The following UBAC2 variants were observed in gnomAD, a reference collection of about 807,000 sequenced individuals.
The protein encoded by UBAC2 is UBA domain containing 2, also known as ubiquitin-associated domain-containing protein 2.
UBAC2 carries 26 observed loss-of-function variants against 44.0 expected under a neutral mutation model. That is an observed-to-expected ratio of 0.59 (90% CI 0.43 to 0.82). UBAC2 has a LOEUF of 0.82. UBAC2 is among the 40% of genes least tolerant of loss of function. The pLI, the probability that UBAC2 is intolerant of heterozygous loss-of-function variation, is 0.00. For missense variants in UBAC2, 329 were observed against 419.4 expected (o/e 0.78, Z 1.88); for synonymous variants, 155 against 154.3 (o/e 1.00, Z -0.04).
chr13:99,376,782 G>C (rs910714382), intron 8 of UBAC2: 1 of 152,222 alleles, frequency 6.6e-6, no homozygotes, highest in Non-Finnish European at 1.5e-5. Flanking sequence ...ATATTTTGTG[G>C]TGAGGATTTT....
At chr13:99,219,281 C>T (rs2043029500) in intron 1 of UBAC2, among the ~76,000 whole-genome samples, 1 of 152,178 alleles carries the variant, frequency 6.6e-6, no homozygotes, top group African/African-American at 2.4e-5. Context: ...CAGGACTAAG[C>T]TTTGCAAGGC....
chr13:99,231,825 ACTGT>A (rs903797674), intron 1 of UBAC2, among the ~76,000 whole-genome samples: 1 of 152,200 alleles, frequency 6.6e-6, no homozygotes, highest in African/African-American at 2.4e-5. Flanking sequence ...TACATACTTT[ACTGT>A]CTGTGCATGA....
rs144952827 is a variant in UBAC2 at position 99,265,643 on chromosome 13, G to A, written c.389+21019G>A. Among the ~76,000 whole-genome samples the A allele has an allele frequency of 2.9e-3, 449 of 152,234 alleles. 3 individuals carry two copies. Among genetic ancestry groups the A allele is most frequent in the African/African-American group, 0.01 (419 of 41,536 alleles). On this transcript the variant is annotated intron_variant, in intron 4 of 8. Transcript: ENST00000403766. ...TTGTGAACAAGGACCTGGCACGTGCGTCTTCAAACGTTTCAGCGCATCTAG... is the reference window on the plus strand; with the variant it reads ...TTGTGAACAAGGACCTGGCACGTGCATCTTCAAACGTTTCAGCGCATCTAG...
intron 6 of UBAC2, among the ~76,000 whole-genome samples, chr13:99,321,268 C>G (rs1467315705): frequency 6.6e-6 from 1 of 152,158 alleles, no homozygotes; most frequent in African/African-American, 2.4e-5. Flanking sequence ...TTGGATTGAG[C>G]TTATTTTATT....
intron 2 of UBAC2, among the ~76,000 whole-genome samples, chr13:99,241,357 A>G (rs909335943): frequency 6.6e-6 from 1 of 152,200 alleles, no homozygotes; most frequent in Non-Finnish European, 1.5e-5. Context: ...CCAAATGTCT[A>G]TTAACAGATA....
chr13:99,317,922 A>G, intron 5 of UBAC2, 100 bp from the exon 6 acceptor site: 5 of 900,254 alleles, frequency 5.6e-6, no homozygotes, highest in Middle Eastern at 2.3e-4. Context: ...TATAATTAAT[A>G]CTTTATATAA....
At chr13:99,345,864 T>A (rs2138843416) in intron 7 of UBAC2, among the ~76,000 whole-genome samples, 1 of 149,464 alleles carries the variant, frequency 6.7e-6, no homozygotes, top group East Asian at 2.1e-4. Flanking sequence ...TGCCTCAGCC[T>A]CCCGAGTAGC....
chr13:99,261,509 TGTTTG>T (rs2043661523), intron 4 of UBAC2: 1 of 152,264 alleles, frequency 6.6e-6, no homozygotes, highest in Non-Finnish European at 1.5e-5. Context: ...ACCTCCTTTC[TGTTTG>T]GTTTCCTAAA....
chr13:99,364,121 T>G (rs892315244), intron 7 of UBAC2, among the ~76,000 whole-genome samples: 1 of 151,518 alleles, frequency 6.6e-6, no homozygotes, highest in African/African-American at 2.4e-5. Flanking sequence ...TCTTTTTCTA[T>G]CTTTATGTGA....
intron 7 of UBAC2, among the ~76,000 whole-genome samples, chr13:99,342,733 A>T (rs998021234): frequency 6.6e-6 from 1 of 151,934 alleles, no homozygotes; most frequent in East Asian, 1.9e-4. Context: ...CTTTAGCTGG[A>T]TCCTCCTTGT....
chr13:99,281,759 T>A (rs574378398), intron 4 of UBAC2, among the ~76,000 whole-genome samples: 1 of 152,324 alleles, frequency 6.6e-6, no homozygotes, highest in Admixed American at 6.5e-5. Context: ...ATTTTAGTAA[T>A]GTTTGAAGAT....
In UBAC2 at chr13:99,295,653, G is replaced by A; in HGVS notation, c.390-18444G>A. On this transcript the variant is annotated intron_variant, in intron 4 of 8. Transcript: ENST00000403766. This position sits in a 1 kb window ranked among gnomAD's most constrained non-coding sequence, Gnocchi z 4.1. ...TTTGACATAGGGTTGATGAGGAGTGGGAGTGTCTGAGCAAATACTAGAATC... is the reference window on the plus strand; with the variant it reads ...TTTGACATAGGGTTGATGAGGAGTGAGAGTGTCTGAGCAAATACTAGAATC... The A allele has an allele frequency of 6.2e-7, 1 of 1,614,098 alleles. No individual in the cohort carries two copies. Among genetic ancestry groups the A allele is most frequent in the East Asian group, 2.2e-5 (1 of 44,872 alleles).
intron 4 of UBAC2, among the ~76,000 whole-genome samples, chr13:99,308,141 G>A (rs1379505600): frequency 6.6e-6 from 1 of 152,194 alleles, no homozygotes; most frequent in Non-Finnish European, 1.5e-5. Flanking sequence ...CAGTTTATTT[G>A]TAGGCTAAAT....
intron 5 of UBAC2, among the ~76,000 whole-genome samples, chr13:99,315,151 T>A (rs1408214923): frequency 6.6e-6 from 1 of 152,202 alleles, no homozygotes; most frequent in Non-Finnish European, 1.5e-5. Context: ...TACAACCGTT[T>A]CTCATGAAAT....
At chr13:99,266,037 A>G (rs954330373) in intron 4 of UBAC2, among the ~76,000 whole-genome samples, 1 of 152,172 alleles carries the variant, frequency 6.6e-6, no homozygotes, top group African/African-American at 2.4e-5. Flanking sequence ...CTGCTTTGAC[A>G]TAAATACTGT....
intron 8 of UBAC2, among the ~76,000 whole-genome samples, chr13:99,378,451 C>T (rs1467924484): frequency 2.0e-5 from 3 of 152,130 alleles, no homozygotes; most frequent in African/African-American, 7.2e-5. Context: ...GGCTTGAACC[C>T]AGGAGGTGGA....
intron 1 of UBAC2, chr13:99,201,265 T>A (rs2142623634): frequency 6.9e-7 from 1 of 1,446,292 alleles, no homozygotes; most frequent in East Asian, 2.5e-5. Context: ...CCAGGCCCTT[T>A]GCGGAGCGTG....
intron 4 of UBAC2, among the ~76,000 whole-genome samples, chr13:99,278,501 A>C (rs567614561): frequency 6.6e-6 from 1 of 152,268 alleles, no homozygotes; most frequent in South Asian, 2.1e-4. Flanking sequence ...TAGCTTTCTA[A>C]ATTATTGTGT....
chr13:99,373,742 C>G (rs2045441560), intron 8 of UBAC2, among the ~76,000 whole-genome samples: 1 of 152,086 alleles, frequency 6.6e-6, no homozygotes, highest in Non-Finnish European at 1.5e-5. Flanking sequence ...CGGGGCACTT[C>G]TTGGGATTCT....
Sources: allele counts gnomAD v4.1 joint callset (sites outside exome capture counted in the v4.1 genomes callset), GRCh38; gene constraint gnomAD v4.1.1; non-coding constraint Gnocchi (gnomAD v3.1); transcripts MANE v1.5; gene names NCBI Gene and HGNC (gene_info 2026-07-23, HGNC 2026-07-21).